The following DIP2C variants were observed in gnomAD, a reference collection of about 807,000 sequenced individuals.
DIP2C encodes disco-interacting protein 2 homolog C.
In DIP2C, 33 loss-of-function variants were observed where a neutral mutation model predicts 192.4. That is an observed-to-expected ratio of 0.17 (90% CI 0.13 to 0.23). DIP2C has a LOEUF of 0.23. Among genes scored for constraint, DIP2C ranks in the 10% least tolerant of loss-of-function variants. The probability of loss-of-function intolerance (pLI) is 1.00; values close to 1 mark genes in which losing one functional copy is unlikely to be tolerated. For synonymous variants in DIP2C, 979 were observed against 864.1 expected, an observed-to-expected ratio of 1.13 and a Z score of -2.33; for missense variants, 1,537 against 2,110.1, an observed-to-expected ratio of 0.73 and a Z score of 5.32.
At chr10:548,911 C>CAAAAG (rs1848447019) in intron 1 of DIP2C, among the ~76,000 whole-genome samples, 1 of 26,462 alleles carries the variant, frequency 3.8e-5, no homozygotes, top group Admixed American at 4.7e-4. Flanking sequence ...TAGCAGCTCA[C>CAAAAG]AAAAAAAAAA....
intron 1 of DIP2C, among the ~76,000 whole-genome samples, chr10:660,249 G>A (rs1031077049): frequency 7.2e-6 from 1 of 138,656 alleles, no homozygotes; most frequent in Non-Finnish European, 1.5e-5. Context: ...TGTATGAAAC[G>A]GAGATTCTAG....
At chr10:578,625 G>T (rs570952310) in intron 1 of DIP2C, among the ~76,000 whole-genome samples, 2 of 152,108 alleles carry the variant, frequency 1.3e-5, no homozygotes, top group Admixed American at 6.5e-5. Flanking sequence ...TATACTCTCC[G>T]GTGCTAACGA....
intron 1 of DIP2C, among the ~76,000 whole-genome samples, chr10:530,308 T>A (rs12240790): frequency 0.25 from 37,386 of 152,140 alleles, 6,315 homozygotes; most frequent in African/African-American, 0.48. Flanking sequence ...TCTGGACTCC[T>A]GGGGACAAAC....
intron 3 of DIP2C, among the ~76,000 whole-genome samples, chr10:467,583 A>G (rs1394230920): frequency 7.0e-6 from 1 of 143,448 alleles, no homozygotes; most frequent in Non-Finnish European, 1.6e-5. Flanking sequence ...AAAAAAAAAG[A>G]AAATGTGGCA....
chr10:373,564 C>A (rs1358991725), intron 17 of DIP2C, among the ~76,000 whole-genome samples: 1 of 152,094 alleles, frequency 6.6e-6, no homozygotes, highest in Non-Finnish European at 1.5e-5. Flanking sequence ...CGGTCTAAAA[C>A]CCCTTGTGGT....
chr10:624,983 C>T (rs1004367193), intron 1 of DIP2C, among the ~76,000 whole-genome samples: 2 of 152,188 alleles, frequency 1.3e-5, no homozygotes, highest in Non-Finnish European at 2.9e-5. Context: ...GCCTGGCCGG[C>T]GGCGCAACCT....
At position 362,661 on chromosome 10, in the gene DIP2C, A is replaced by G; in HGVS notation, c.2623T>C (p.Tyr875His). ...AIDSIHQVGVYCLALVPANTL... is the reference protein window; with the variant it reads ...AIDSIHQVGVHCLALVPANTL... ...TTTGCTGGCACCAAGGCCAGGCAAT[A>G]AACTCCAACTTGATGTATACTGTCA... The change falls in exon 22 of 37, where the codon TAT becomes CAT. Residue 875 changes from tyrosine (Y) to histidine (H), a missense_variant. Tyr to His is a moderately conservative substitution (Grantham distance 83). Transcript: ENST00000280886. The G allele has an allele frequency of 6.2e-7, 1 of 1,613,586 alleles. No individual in the cohort carries two copies. The highest frequency in any genetic ancestry group is 8.5e-7 in the Non-Finnish European group (1 of 1,179,698).
intron 1 of DIP2C, among the ~76,000 whole-genome samples, chr10:679,943 T>C (rs1242492454): frequency 6.6e-6 from 1 of 152,176 alleles, no homozygotes; most frequent in East Asian, 1.9e-4. Flanking sequence ...GAAGCGGCTA[T>C]TTACCAAGCA....
chr10:326,961 G>A (rs781541670), intron 31 of DIP2C, 45 bp downstream of exon 31: 1 of 1,580,338 alleles, frequency 6.3e-7, no homozygotes, highest in East Asian at 2.2e-5. Context: ...ACCCACCCCG[G>A]GAGCCACACT....
At chr10:337,819 C>G (rs116138876) in intron 29 of DIP2C, among the ~76,000 whole-genome samples, 160 of 9,464 alleles carry the variant, frequency 0.017, 2 homozygotes, top group Middle Eastern at 0.17. Context: ...TGGAGGCCTA[C>G]GCAGCTGTGT....
intron 3 of DIP2C, among the ~76,000 whole-genome samples, chr10:448,365 C>G (rs1457771929): frequency 7.2e-6 from 1 of 139,100 alleles, no homozygotes; most frequent in African/African-American, 2.7e-5. Flanking sequence ...GACCCACTCA[C>G]TCCCGTCGAT....
At chr10:296,033 T>C (rs1955738173) in intron 32 of DIP2C, among the ~76,000 whole-genome samples, 2 of 152,242 alleles carry the variant, frequency 1.3e-5, no homozygotes, top group Admixed American at 6.5e-5. Context: ...CTTTGTCAAA[T>C]GGGTTGATTG....
At chr10:570,774 G>T (rs1282279000) in intron 1 of DIP2C, among the ~76,000 whole-genome samples, 1 of 152,240 alleles carries the variant, frequency 6.6e-6, no homozygotes, top group African/African-American at 2.4e-5. Flanking sequence ...TACCTTGCAT[G>T]AGGCAACCGA....
chr10:545,910 G>C (rs1490092353), intron 1 of DIP2C, among the ~76,000 whole-genome samples: 1 of 152,156 alleles, frequency 6.6e-6, no homozygotes, highest in Non-Finnish European at 1.5e-5. Context: ...ACAATTTGTT[G>C]TCGGTTTAAG....
chr10:669,975 T>C (rs1857343269), intron 1 of DIP2C, among the ~76,000 whole-genome samples: 2 of 152,234 alleles, frequency 1.3e-5, no homozygotes, highest in Admixed American at 1.3e-4. Flanking sequence ...TCATCTTTAT[T>C]AATGATGAGC....
At position 605,159 on chromosome 10, in the gene DIP2C, CAG is replaced by C. The variant is rs1244859949; in HGVS notation, c.85+84333_85+84334del. On this transcript the variant is annotated intron_variant, in intron 1 of 36. Coordinates refer to ENST00000280886, the MANE Select transcript of DIP2C (RefSeq NM_014974.3). ...CGCAGCCCTGGCTTCCCCTCTGATG[CAG>C]AGAGCTGGTCACTCCGCCGGCTGCA... Among the ~76,000 whole-genome samples the C allele has an allele frequency of 1.7e-4, 26 of 152,324 alleles. 1 individual carries two copies. The highest frequency in any genetic ancestry group is 1.6e-3 in the Admixed American group (25 of 15,302).
At chr10:443,533 C>CA (rs2133281196) in intron 3 of DIP2C, among the ~76,000 whole-genome samples, 1 of 152,200 alleles carries the variant, frequency 6.6e-6, no homozygotes, top group South Asian at 2.1e-4. Context: ...TGGGCACTGC[C>CA]AGCAAGCAGA....
Position 482,224 on chromosome 10 carries a change from G to A in DIP2C, c.157+4235C>T, listed in dbSNP as rs2133526161. On this transcript the variant is annotated intron_variant, in intron 2 of 36. Transcript: ENST00000280886. Reference sequence around the variant, plus strand: ...AGCGGCGTGGCCATCGGGAGCCCTGGTAGCAGGGAGGAACTGAGACAAGTC... The same window carrying A: ...AGCGGCGTGGCCATCGGGAGCCCTGATAGCAGGGAGGAACTGAGACAAGTC... Among the ~76,000 whole-genome samples the A allele has an allele frequency of 2.0e-5, 3 of 152,324 alleles. No homozygotes were observed. In the South Asian group the frequency reaches 6.2e-4, roughly 32 times the overall value.
intron 1 of DIP2C, among the ~76,000 whole-genome samples, chr10:560,503 A>T (rs1442093183): frequency 6.6e-6 from 1 of 152,218 alleles, no homozygotes; most frequent in Admixed American, 6.5e-5. Context: ...GGCAGTGAAC[A>T]CGTGAATCAG....
Sources: allele counts gnomAD v4.1 joint callset (sites outside exome capture counted in the v4.1 genomes callset), GRCh38; gene constraint gnomAD v4.1.1; transcripts MANE v1.5; gene names NCBI Gene and HGNC (gene_info 2026-07-23, HGNC 2026-07-21).